Variants in KAZN observed in about 807,000 individuals in gnomAD.
KAZN encodes the protein kazrin, periplakin interacting protein.
Under a neutral mutation model 87.4 loss-of-function variants are expected in KAZN, and 40 were observed. The observed-to-expected ratio is 0.46, with a 90% CI of 0.36 to 0.60. KAZN has a LOEUF of 0.60. Ranked by LOEUF, KAZN falls within the 20% of genes least tolerant of loss-of-function variation. KAZN has a pLI of 0.00. For synonymous variants in KAZN, 466 were observed against 458.3 expected, an observed-to-expected ratio of 1.02 and a Z score of -0.22; for missense variants, 898 against 1,073.9, an observed-to-expected ratio of 0.84 and a Z score of 2.29.
intron 1 of KAZN, among the ~76,000 whole-genome samples, chr1:13,934,411 C>G (rs1017135409): frequency 2.0e-5 from 3 of 152,180 alleles, no homozygotes; most frequent in African/African-American, 7.2e-5. Context: ...GAGGCAAATC[C>G]TTACCTGTAA....
At chr1:14,418,416 A>G (rs754386683) in intron 2 of KAZN, among the ~76,000 whole-genome samples, 10 of 152,218 alleles carry the variant, frequency 6.6e-5, no homozygotes, top group Non-Finnish European at 1.3e-4. Flanking sequence ...CACTCAGGAA[A>G]CAGTGGCCAC....
At position 14,526,933 on chromosome 1, in the gene KAZN, A is replaced by G. The variant is rs778167299; in HGVS notation, c.250-72050A>G. On this transcript the variant is annotated intron_variant, in intron 2 of 16. Coordinates refer to the KAZN transcript ENST00000636203. ...ATGTTATAGTGCGGAGTTCTTGCTA[A>G]CATCTTTCTGACAATAGCATCTGAT... is the stretch of plus-strand genomic sequence containing the variant. Among the ~76,000 whole-genome samples, 89 of 152,226 alleles carry G rather than the reference A, an allele frequency of 5.8e-4. 4 individuals carry two copies. Among genetic ancestry groups the G allele is most frequent in the Non-Finnish European group, 4.6e-4 (31 of 68,050 alleles).
At chr1:14,101,676 G>A (rs187229487) in intron 1 of KAZN, among the ~76,000 whole-genome samples, 4 of 152,290 alleles carry the variant, frequency 2.6e-5, no homozygotes, top group African/African-American at 9.6e-5. Flanking sequence ...ATTACTTTAA[G>A]TAGAATTTTT....
At chr1:14,408,068 T>C (rs1664009473) in intron 2 of KAZN, among the ~76,000 whole-genome samples, 4 of 152,152 alleles carry the variant, frequency 2.6e-5, no homozygotes. Context: ...GGGCTGCCCC[T>C]CAGGTCAGGT....
chr1:14,535,379 G>C (rs1307233046), intron 2 of KAZN, among the ~76,000 whole-genome samples: 1 of 152,192 alleles, frequency 6.6e-6, no homozygotes, highest in Non-Finnish European at 1.5e-5. Context: ...GAAATACACT[G>C]GACTTGGCTG....
chr1:14,121,963 G>A (rs1237383957), intron 1 of KAZN, among the ~76,000 whole-genome samples: 4 of 152,182 alleles, frequency 2.6e-5, no homozygotes, highest in South Asian at 2.1e-4. Flanking sequence ...GGAAGCCAGC[G>A]AGGTTGGAAC....
intron 1 of KAZN, among the ~76,000 whole-genome samples, chr1:14,801,199 C>T (rs908553192): frequency 6.6e-6 from 1 of 152,044 alleles, no homozygotes; most frequent in Non-Finnish European, 1.5e-5. Context: ...CAGTCGGAGC[C>T]GTCTCAGGGT....
intron 2 of KAZN, among the ~76,000 whole-genome samples, chr1:14,378,410 T>G (rs1271915397): frequency 6.6e-6 from 1 of 152,198 alleles, no homozygotes; most frequent in Non-Finnish European, 1.5e-5. Flanking sequence ...GAAACAACCT[T>G]CATGAGAACC....
chr1:15,056,560 G>A lies in KAZN; in HGVS notation c.916+280G>A, dbSNP rs1463343248. On this transcript the variant is annotated intron_variant, in intron 5 of 14. Coordinates refer to ENST00000376030, the MANE Select transcript of KAZN (RefSeq NM_201628.3). The surrounding 1 kb of genome is among the most constrained non-coding windows in gnomAD (Gnocchi z 5.4). ...ATCTTCAGGCTGTCTCTTTCAGCAAGAAAGTAAAATAGTCCCCTGCAGTTC... is the reference window on the plus strand; with the variant it reads ...ATCTTCAGGCTGTCTCTTTCAGCAAAAAAGTAAAATAGTCCCCTGCAGTTC... Among the ~76,000 whole-genome samples the A allele has an allele frequency of 1.3e-5, 2 of 152,172 alleles. No homozygotes were observed. Among genetic ancestry groups the A allele is most frequent in the African/African-American group, 4.8e-5 (2 of 41,448 alleles).
At chr1:14,076,047 T>G (rs8179349) in intron 1 of KAZN, among the ~76,000 whole-genome samples, 1 of 151,854 alleles carries the variant, frequency 6.6e-6, no homozygotes, top group Non-Finnish European at 1.5e-5. Context: ...TTTGGGAGGC[T>G]GAGGCAGGTG....
At chr1:15,107,879 T>G (rs1641351393) in intron 13 of KAZN, among the ~76,000 whole-genome samples, 1 of 152,130 alleles carries the variant, frequency 6.6e-6, no homozygotes, top group Admixed American at 6.5e-5. Context: ...ATACCGACCT[T>G]GTAGCTTTGT....
At chr1:14,396,269 A>G (rs192208419) in intron 2 of KAZN, among the ~76,000 whole-genome samples, 25 of 152,232 alleles carry the variant, frequency 1.6e-4, no homozygotes, top group Non-Finnish European at 2.4e-4. Flanking sequence ...GATATCTACA[A>G]ACAAAAGATA....
At chr1:14,751,350 A>G (rs146329705) in intron 1 of KAZN, among the ~76,000 whole-genome samples, 37 of 152,324 alleles carry the variant, frequency 2.4e-4, no homozygotes, top group African/African-American at 7.7e-4. Context: ...TGTTAGAGGC[A>G]AGACAGTTAC....
intron 2 of KAZN, among the ~76,000 whole-genome samples, chr1:14,265,760 C>A (rs944123947): frequency 6.6e-6 from 1 of 152,216 alleles, no homozygotes; most frequent in African/African-American, 2.4e-5. Flanking sequence ...ATGGCAAAAA[C>A]AGGTCCAGAA....
chr1:14,357,630 G>A (rs1426147733), intron 2 of KAZN, among the ~76,000 whole-genome samples: 4 of 152,144 alleles, frequency 2.6e-5, no homozygotes, highest in African/African-American at 7.2e-5. Flanking sequence ...TTTTTAGCAC[G>A]AAGCGGTGTT....
At position 15,056,311 on chromosome 1, in the gene KAZN, G is replaced by A. The variant is rs1306630106; in HGVS notation, c.916+31G>A. 10 of 1,556,540 alleles carry A rather than the reference G, an allele frequency of 6.4e-6. No homozygotes were observed. Among genetic ancestry groups the A allele is most frequent in the African/African-American group, 2.7e-5 (2 of 73,732 alleles). On this transcript the variant is annotated intron_variant, in intron 5 of 14. Coordinates refer to ENST00000376030, the MANE Select transcript of KAZN (RefSeq NM_201628.3). This position sits in a 1 kb window ranked among gnomAD's most constrained non-coding sequence, Gnocchi z 5.4. ...TCCTGCCCTGGCCTGGCTCCACCAC[G>A]GCTTCGAGGGGCTTCACAGGAGGCC...
intron 2 of KAZN, among the ~76,000 whole-genome samples, chr1:14,213,404 A>G (rs1039900680): frequency 1.1e-4 from 16 of 152,182 alleles, no homozygotes; most frequent in African/African-American, 3.9e-4. Flanking sequence ...GCAATTTTAC[A>G]TAGGATGGCC....
intron 2 of KAZN, among the ~76,000 whole-genome samples, chr1:15,012,110 C>T (rs1669632957): frequency 6.6e-6 from 1 of 152,168 alleles, no homozygotes; most frequent in African/African-American, 2.4e-5. Context: ...GGAGCTGCTA[C>T]CATTCCTCGT....
At chr1:13,945,588 G>T (rs1363706771) in intron 1 of KAZN, among the ~76,000 whole-genome samples, 1 of 151,488 alleles carries the variant, frequency 6.6e-6, no homozygotes, top group Non-Finnish European at 1.5e-5. Flanking sequence ...GCAATGAATG[G>T]TAAAACTAAC....
Sources: gnomAD v4.1 joint callset for allele counts (sites outside exome capture counted in the v4.1 genomes callset) on GRCh38, gnomAD v4.1.1 for gene constraint, Gnocchi (gnomAD v3.1) non-coding constraint, MANE v1.5 for transcripts, NCBI Gene and HGNC (gene_info 2026-07-23, HGNC 2026-07-21) for gene names.